The following DENND5B variants were observed in gnomAD, a reference collection of about 807,000 sequenced individuals.
DENND5B encodes DENN domain-containing protein 5B.
A neutral mutation model predicts 140.6 loss-of-function variants in DENND5B; 34 were observed. That is an observed-to-expected ratio of 0.24 (90% CI 0.18 to 0.32). The LOEUF (loss-of-function observed/expected upper bound fraction) is 0.32. Ranked by LOEUF, DENND5B falls within the 10% of genes least tolerant of loss-of-function variation. The pLI is 1.00. For missense variants in DENND5B, 1,142 were observed against 1,560.2 expected (o/e 0.73, Z 4.52); for synonymous variants, 551 against 562.1 (o/e 0.98, Z 0.28).
chr12:31,404,493 G>A (rs1029905625), intron 14 of DENND5B, among the ~76,000 whole-genome samples: 8 of 152,128 alleles, frequency 5.3e-5, no homozygotes, highest in Admixed American at 2.0e-4. Context: ...CACTCTTGTC[G>A]CTCAGGCTGG....
At chr12:31,546,672 C>A (rs553255643) in intron 1 of DENND5B, among the ~76,000 whole-genome samples, 3 of 152,010 alleles carry the variant, frequency 2.0e-5, no homozygotes, top group Non-Finnish European at 2.9e-5. Context: ...GGAGACAGAG[C>A]GAGACTCCAT....
chr12:31,530,669 T>C (rs910327841), intron 1 of DENND5B, among the ~76,000 whole-genome samples: 2 of 152,334 alleles, frequency 1.3e-5, no homozygotes, highest in African/African-American at 4.8e-5. Context: ...AAAATAATTA[T>C]ACTAAACAAA....
intron 3 of DENND5B, among the ~76,000 whole-genome samples, chr12:31,461,511 A>G (rs546985135): frequency 4.6e-5 from 7 of 152,204 alleles, no homozygotes; most frequent in Non-Finnish European, 1.0e-4. Flanking sequence ...AAATGTTTGG[A>G]AGTAGATATG....
chr12:31,582,586 A>G (rs775791024), intron 1 of DENND5B, among the ~76,000 whole-genome samples: 4 of 152,216 alleles, frequency 2.6e-5, no homozygotes, highest in Admixed American at 6.5e-5. Context: ...ATTCATTGAC[A>G]AAAGCAAAAA....
chr12:31,460,803 G>A (rs1944981557), intron 3 of DENND5B, among the ~76,000 whole-genome samples: 1 of 152,180 alleles, frequency 6.6e-6, no homozygotes, highest in Non-Finnish European at 1.5e-5. Context: ...TTGGCACACT[G>A]CAACCTCCAC....
At chr12:31,505,287 AGAGTGTGAC>A (rs1195963011) in intron 1 of DENND5B, among the ~76,000 whole-genome samples, 1 of 144,946 alleles carries the variant, frequency 6.9e-6, no homozygotes, top group African/African-American at 2.6e-5. Flanking sequence ...CACCCAGGCT[AGAGTGTGAC>A]GTTGAGATCT....
intron 11 of DENND5B, 23 bp downstream of exon 11, chr12:31,423,574 G>C: frequency 6.2e-7 from 1 of 1,612,216 alleles, no homozygotes; most frequent in South Asian, 1.1e-5. Context: ...AGTGCTGCTA[G>C]TTCTTTACCA....
At chr12:31,424,722 G>C in intron 9 of DENND5B, 35 bp from the exon 10 acceptor site, 2 of 1,598,264 alleles carry the variant, frequency 1.3e-6, no homozygotes, top group Non-Finnish European at 1.7e-6. Flanking sequence ...AGGCACCCCA[G>C]CAGTGAAACC....
At chr12:31,406,213 A>G (rs759992294) in intron 14 of DENND5B, among the ~76,000 whole-genome samples, 3 of 152,014 alleles carry the variant, frequency 2.0e-5, no homozygotes, top group East Asian at 1.9e-4. Flanking sequence ...CCATTTGATC[A>G]TAAGAGGGGG....
At chr12:31,557,958 C>A (rs565737829) in intron 1 of DENND5B, among the ~76,000 whole-genome samples, 3 of 152,010 alleles carry the variant, frequency 2.0e-5, no homozygotes, top group Admixed American at 6.6e-5. Flanking sequence ...GAGGCTGAGG[C>A]GAGAGGACTG....
chr12:31,560,791 G>A (rs932938500), intron 1 of DENND5B, among the ~76,000 whole-genome samples: 6 of 152,208 alleles, frequency 3.9e-5, no homozygotes, highest in East Asian at 3.9e-4. Flanking sequence ...CCAGGTGACC[G>A]CTTGATGTTT....
intron 3 of DENND5B, among the ~76,000 whole-genome samples, chr12:31,462,389 C>T (rs1945058957): frequency 6.6e-6 from 1 of 152,014 alleles, no homozygotes; most frequent in African/African-American, 2.4e-5. Flanking sequence ...ACCTGAAACC[C>T]CTGAGGTCGG....
chr12:31,575,057 G>A lies in DENND5B; in HGVS notation c.127+15649C>T, dbSNP rs536536100. Among the ~76,000 whole-genome samples the A allele has an allele frequency of 3.3e-5, 5 of 152,308 alleles. 1 individual carries two copies. Among genetic ancestry groups the A allele is most frequent in the African/African-American group, 1.2e-4 (5 of 41,570 alleles). On this transcript the variant is annotated intron_variant, in intron 1 of 20. Transcript: ENST00000389082. The stretch of plus-strand genomic sequence containing the variant: ...TGAAAGTTCATTTTCCTCGAGCTGA[G>A]CAAGAATATTTTGAAATCCTGACAA...
intron 1 of DENND5B, among the ~76,000 whole-genome samples, chr12:31,511,673 G>A (rs1012509976): frequency 1.3e-5 from 2 of 151,224 alleles, no homozygotes; most frequent in African/African-American, 4.9e-5. Context: ...TATAAATTAA[G>A]CTCTTCAACA....
At chr12:31,474,471 A>G (rs1945701231) in intron 3 of DENND5B, among the ~76,000 whole-genome samples, 1 of 152,162 alleles carries the variant, frequency 6.6e-6, no homozygotes, top group African/African-American at 2.4e-5. Flanking sequence ...CTCTACTTAG[A>G]ATTTCTAGCT....
intron 1 of DENND5B, among the ~76,000 whole-genome samples, chr12:31,505,168 T>C (rs901378048): frequency 6.6e-6 from 1 of 152,110 alleles, no homozygotes; most frequent in Non-Finnish European, 1.5e-5. Context: ...CTTCTATTGG[T>C]AACTGTCTAC....
intron 1 of DENND5B, among the ~76,000 whole-genome samples, chr12:31,547,845 C>G (rs1245481063): frequency 1.3e-5 from 2 of 152,094 alleles, no homozygotes; most frequent in Non-Finnish European, 2.9e-5. Context: ...GCTGGGATTA[C>G]AGGCACCTGC....
intron 6 of DENND5B, 136 bp from the exon 7 acceptor site, chr12:31,443,061 T>C: frequency 2.5e-6 from 2 of 810,108 alleles, no homozygotes; most frequent in African/African-American, 1.7e-5. Context: ...TGTGTGTGTG[T>C]GTGCACGCAC....
chr12:31,534,659 T>C (rs1004487369), intron 1 of DENND5B: 3 of 228,618 alleles, frequency 1.3e-5, no homozygotes, highest in South Asian at 7.9e-5. Flanking sequence ...GAATATTTTA[T>C]ATCTTGCACG....
Sources: gnomAD v4.1 joint callset for allele counts (sites outside exome capture counted in the v4.1 genomes callset) on GRCh38, gnomAD v4.1.1 for gene constraint, MANE v1.5 for transcripts, NCBI Gene and HGNC (gene_info 2026-07-23, HGNC 2026-07-21) for gene names.